ATP8A2: variants seen among roughly 807,000 people sequenced by gnomAD.
ATP8A2 encodes the protein phospholipid-transporting ATPase IB.
Under a neutral mutation model 165.6 loss-of-function variants are expected in ATP8A2, and 100 were observed. The observed-to-expected ratio is 0.60, with a 90% confidence interval of 0.51 to 0.71. ATP8A2 has a LOEUF of 0.71. Ranked by LOEUF, ATP8A2 falls within the 30% of genes least tolerant of loss-of-function variation. The pLI is 0.00. For missense variants in ATP8A2, 1,227 were observed against 1,479.5 expected (o/e 0.83, Z 2.80); for synonymous variants, 543 against 548.8 (o/e 0.99, Z 0.15).
chr13:25,886,319 G>A (rs1189943835), intron 33 of ATP8A2, among the ~76,000 whole-genome samples: 1 of 152,180 alleles, frequency 6.6e-6, no homozygotes, highest in South Asian at 2.1e-4. Flanking sequence ...AGGTCATAAA[G>A]CTAACTTAAC....
intron 22 of ATP8A2, among the ~76,000 whole-genome samples, chr13:25,580,479 T>C (rs2039743466): frequency 1.3e-5 from 2 of 152,198 alleles, no homozygotes; most frequent in Non-Finnish European, 2.9e-5. Context: ...CAGCTTTTTC[T>C]GTCTCATGTT....
chr13:25,930,152 G>T (rs996430022), intron 33 of ATP8A2, among the ~76,000 whole-genome samples: 2 of 152,014 alleles, frequency 1.3e-5, no homozygotes, highest in Admixed American at 6.6e-5. Context: ...ATTTAATGCT[G>T]TTCTCCTCTC....
chr13:25,442,758 C>A (rs1286178139), intron 1 of ATP8A2, among the ~76,000 whole-genome samples: 2 of 152,116 alleles, frequency 1.3e-5, no homozygotes, highest in Admixed American at 6.6e-5. Flanking sequence ...TGTTGAGCAT[C>A]TTTTCATGTG....
At chr13:25,952,567 G>T (rs1001569838) in intron 33 of ATP8A2, among the ~76,000 whole-genome samples, 1 of 151,906 alleles carries the variant, frequency 6.6e-6, no homozygotes, top group African/African-American at 2.4e-5. Flanking sequence ...GTAGAAACAG[G>T]GTCTCACGAT....
chr13:26,011,983 C>T (rs1211191595), intron 35 of ATP8A2, among the ~76,000 whole-genome samples: 2 of 152,202 alleles, frequency 1.3e-5, no homozygotes, highest in Non-Finnish European at 2.9e-5. Context: ...AACAGTTCCA[C>T]ATGTCTTCAC....
chr13:25,585,160 A>T (rs1397819836), intron 23 of ATP8A2, among the ~76,000 whole-genome samples: 1 of 152,164 alleles, frequency 6.6e-6, no homozygotes, highest in African/African-American at 2.4e-5. Flanking sequence ...AGTAGTTTGA[A>T]ATTGGCATGT....
At chr13:25,759,846 G>T (rs1259218644) in intron 25 of ATP8A2, among the ~76,000 whole-genome samples, 1 of 152,114 alleles carries the variant, frequency 6.6e-6, no homozygotes, top group Non-Finnish European at 1.5e-5. Flanking sequence ...AAATGCGCTT[G>T]CCCAGATCTT....
intron 33 of ATP8A2, among the ~76,000 whole-genome samples, chr13:25,878,080 C>T (rs1032442485): frequency 1.3e-5 from 2 of 152,132 alleles, no homozygotes; most frequent in Admixed American, 6.6e-5. Flanking sequence ...GGTTCACTTA[C>T]GCCCTTTAGA....
chr13:25,372,423 G>T lies in ATP8A2; in HGVS notation c.76+135G>T. 1 of 605,708 alleles carries T rather than the reference G, an allele frequency of 1.7e-6. No individual in the cohort carries two copies. The allele number at this position is 605,708 out of a possible 1,614,324, so 37.5% of individuals were successfully genotyped here. ...GGCTCCCTGGGCTCTCTGGGCTGCA[G>T]GATCCGCCGACGCGGCGCGCTGGCC... is the stretch of plus-strand genomic sequence containing the variant. On this transcript the variant is annotated intron_variant, in intron 1 of 36. Transcript: ENST00000381655. This position sits in a 1 kb window ranked among gnomAD's most constrained non-coding sequence, Gnocchi z 4.8.
intron 1 of ATP8A2, among the ~76,000 whole-genome samples, chr13:25,435,939 G>GTA (rs1198286062): frequency 7.6e-4 from 70 of 92,608 alleles, no homozygotes; most frequent in East Asian, 1.7e-3. Flanking sequence ...GTGAGTGTGT[G>GTA]TGTGTGTGTG....
At chr13:25,538,938 G>T (rs1001639770) in intron 7 of ATP8A2, among the ~76,000 whole-genome samples, 4 of 152,038 alleles carry the variant, frequency 2.6e-5, no homozygotes, top group Non-Finnish European at 5.9e-5. Context: ...ATAACACAGG[G>T]CAGGATTTAT....
At chr13:25,756,728 C>T (rs147332090) in intron 25 of ATP8A2, among the ~76,000 whole-genome samples, 177 of 152,296 alleles carry the variant, frequency 1.2e-3, no homozygotes, top group African/African-American at 4.1e-3. Context: ...GCAGCCAATG[C>T]GTGGAAAGCA....
At chr13:25,633,484 T>C (rs1027999923) in intron 24 of ATP8A2, among the ~76,000 whole-genome samples, 9 of 152,194 alleles carry the variant, frequency 5.9e-5, no homozygotes, top group African/African-American at 2.2e-4. Context: ...ATCACCTCTT[T>C]GTCTTTTTAG....
chr13:25,659,347 G>A (rs2042001206), intron 24 of ATP8A2, among the ~76,000 whole-genome samples: 1 of 152,220 alleles, frequency 6.6e-6, no homozygotes, highest in African/African-American at 2.4e-5. Context: ...CTGCGATCGA[G>A]TTTCATTTAA....
At chr13:25,998,159 A>G (rs1049991192) in intron 35 of ATP8A2, among the ~76,000 whole-genome samples, 7 of 152,196 alleles carry the variant, frequency 4.6e-5, no homozygotes, top group Non-Finnish European at 7.3e-5. Flanking sequence ...CTGATTCTCC[A>G]TAAGACCTTT....
intron 24 of ATP8A2, among the ~76,000 whole-genome samples, chr13:25,610,197 T>A (rs1192701461): frequency 6.6e-6 from 1 of 152,154 alleles, no homozygotes; most frequent in Non-Finnish European, 1.5e-5. Context: ...CCTAAGGCAA[T>A]GTCTACAGGG....
intron 25 of ATP8A2, among the ~76,000 whole-genome samples, chr13:25,759,522 A>G (rs2044336179): frequency 6.6e-6 from 1 of 152,044 alleles, no homozygotes; most frequent in Admixed American, 6.6e-5. Flanking sequence ...GGAACAATAC[A>G]TGTATGTTAA....
intron 24 of ATP8A2, among the ~76,000 whole-genome samples, chr13:25,647,686 C>CT (rs200501725): frequency 0.034 from 4,939 of 147,160 alleles, 141 homozygotes; most frequent in East Asian, 0.13. Context: ...TTCTTTTTTT[C>CT]TTTTTTTTTT....
chr13:25,372,731 G>C lies in ATP8A2; in HGVS notation c.76+443G>C, dbSNP rs1010191807. Among the ~76,000 whole-genome samples, 2 of 152,236 alleles carry C rather than the reference G, an allele frequency of 1.3e-5. No homozygotes were observed. The highest frequency in any genetic ancestry group is 6.5e-5 in the Admixed American group (1 of 15,290). On this transcript the variant is annotated intron_variant, in intron 1 of 36. Transcript: ENST00000381655. The surrounding 1 kb of genome is among the most constrained non-coding windows in gnomAD (Gnocchi z 4.8). ...CGCTGTGCTGCAGAGCTCAAAAGCA[G>C]AGGGGGAAAAAGGCATCCGAAGGGT...
Sources: allele counts gnomAD v4.1 joint callset (sites outside exome capture counted in the v4.1 genomes callset), GRCh38; gene constraint gnomAD v4.1.1; non-coding constraint Gnocchi (gnomAD v3.1); transcripts MANE v1.5; gene names NCBI Gene and HGNC (gene_info 2026-07-23, HGNC 2026-07-21).